ALK: variants seen among roughly 807,000 people sequenced by gnomAD.
ALK encodes the protein ALK receptor tyrosine kinase, also known as ALK tyrosine kinase receptor.
Under a neutral mutation model 163.1 loss-of-function variants are expected in ALK, and 74 were observed. The observed-to-expected ratio is 0.45, with a 90% confidence interval of 0.38 to 0.55. ALK has a LOEUF of 0.55. Ranked by LOEUF, ALK falls within the 20% of genes least tolerant of loss-of-function variation. The probability of loss-of-function intolerance (pLI) is 0.00; values close to 1 mark genes in which losing one functional copy is unlikely to be tolerated. For missense variants in ALK, 2,063 were observed against 2,105.3 expected, an observed-to-expected ratio of 0.98 and a Z score of 0.39; for synonymous variants, 960 against 843.2, an observed-to-expected ratio of 1.14 and a Z score of -2.40.
intron 1 of ALK, among the ~76,000 whole-genome samples, chr2:29,848,247 T>A (rs769695461): frequency 6.6e-6 from 1 of 151,078 alleles, no homozygotes; most frequent in African/African-American, 2.4e-5. Context: ...AAAATTGATA[T>A]TTTGAATTGC....
chr2:29,486,963 A>T (rs976483035), intron 4 of ALK, among the ~76,000 whole-genome samples: 5 of 152,340 alleles, frequency 3.3e-5, no homozygotes, highest in Admixed American at 3.3e-4. Context: ...AATTTTAAAA[A>T]ATGTAAGCTT....
intron 5 of ALK, among the ~76,000 whole-genome samples, chr2:29,345,741 A>C (rs1667930630): frequency 6.6e-6 from 1 of 152,180 alleles, no homozygotes; most frequent in South Asian, 2.1e-4. Context: ...GGGAAACAGT[A>C]ATAAAAGCTC....
intron 3 of ALK, among the ~76,000 whole-genome samples, chr2:29,662,852 A>G (rs543961718): frequency 2.0e-5 from 3 of 152,102 alleles, no homozygotes; most frequent in Non-Finnish European, 4.4e-5. Context: ...CCCTTGCTAC[A>G]TGTTTGTGCC....
At chr2:29,703,551 G>C (rs1479513146) in intron 2 of ALK, among the ~76,000 whole-genome samples, 2 of 152,196 alleles carry the variant, frequency 1.3e-5, no homozygotes, top group Non-Finnish European at 2.9e-5. Context: ...GATGAGGCAT[G>C]TGCTTAGAAT....
intron 2 of ALK, among the ~76,000 whole-genome samples, chr2:29,709,890 G>C (rs921424127): frequency 1.3e-5 from 2 of 152,114 alleles, no homozygotes; most frequent in African/African-American, 4.8e-5. Context: ...AATGTTGGGG[G>C]TATCACACAT....
intron 12 of ALK, among the ~76,000 whole-genome samples, chr2:29,242,323 C>G (rs1427725774): frequency 6.6e-6 from 1 of 152,228 alleles, no homozygotes; most frequent in Non-Finnish European, 1.5e-5. Flanking sequence ...CCTACCCACT[C>G]CTGCTGTGGT....
chr2:29,341,124 G>A lies in ALK; in HGVS notation c.1283-12643C>T, dbSNP rs558438669. Among the ~76,000 whole-genome samples the A allele has an allele frequency of 9.8e-5, 15 of 152,310 alleles. No homozygotes were observed. In the South Asian group the frequency reaches 3.1e-3, roughly 32 times the overall value. ...TAATGGATTCAGAAGCAGGGTTTAT[G>A]CTTTGTTCATAATATAAAATTAGTA... On this transcript the variant is annotated intron_variant, in intron 5 of 28. Transcript: ENST00000389048.
chr2:29,263,340 C>T (rs1382542882), intron 11 of ALK, among the ~76,000 whole-genome samples: 3 of 152,194 alleles, frequency 2.0e-5, no homozygotes, highest in African/African-American at 7.2e-5. Context: ...TATTCTAAGT[C>T]ATTCCTGCTC....
intron 4 of ALK, among the ~76,000 whole-genome samples, chr2:29,516,353 C>T (rs930129598): frequency 3.3e-5 from 5 of 152,194 alleles, no homozygotes; most frequent in Non-Finnish European, 5.9e-5. Context: ...TCTCAGTTTT[C>T]CCATACAGAT....
At chr2:29,790,859 G>C (rs1421348983) in intron 1 of ALK, among the ~76,000 whole-genome samples, 8 of 152,166 alleles carry the variant, frequency 5.3e-5, no homozygotes, top group Admixed American at 5.2e-4. Flanking sequence ...GCTGGAATTA[G>C]AGGTGTGAGT....
chr2:29,787,016 C>T (rs963424332), intron 1 of ALK, among the ~76,000 whole-genome samples: 3 of 152,090 alleles, frequency 2.0e-5, no homozygotes, highest in African/African-American at 4.8e-5. Context: ...AGGATGGTCT[C>T]GATCTCCTGA....
chr2:29,507,285 T>C (rs12714288), intron 4 of ALK, among the ~76,000 whole-genome samples: 47,756 of 152,056 alleles, frequency 0.31, 7,608 homozygotes, highest in East Asian at 0.35. Context: ...AAACGACAAA[T>C]ACCATCGAAT....
intron 1 of ALK, among the ~76,000 whole-genome samples, chr2:29,810,422 C>CAA (rs1252589204): frequency 1.3e-3 from 67 of 53,204 alleles, no homozygotes; most frequent in African/African-American, 3.0e-3. Flanking sequence ...AACTCCATCT[C>CAA]AAAAAAAAAA....
chr2:29,508,695 A>G (rs112906557), intron 4 of ALK, among the ~76,000 whole-genome samples: 3 of 63,666 alleles, frequency 4.7e-5, no homozygotes, highest in Admixed American at 4.6e-4. Flanking sequence ...TTAGAGTATA[A>G]TAAAAAAAAA....
At chr2:29,699,698 C>CA (rs1331116930) in intron 2 of ALK, among the ~76,000 whole-genome samples, 6 of 152,138 alleles carry the variant, frequency 3.9e-5, no homozygotes, top group African/African-American at 1.4e-4. Flanking sequence ...AGATCTTGAC[C>CA]TTTTTTTGTT....
At chr2:29,761,374 T>G (rs958396712) in intron 1 of ALK, among the ~76,000 whole-genome samples, 1 of 152,164 alleles carries the variant, frequency 6.6e-6, no homozygotes, top group African/African-American at 2.4e-5. Flanking sequence ...TTGGCCTTCC[T>G]GTGTTAAATG....
At chr2:29,853,054 A>G (rs1666045359) in intron 1 of ALK, among the ~76,000 whole-genome samples, 1 of 152,204 alleles carries the variant, frequency 6.6e-6, no homozygotes, top group South Asian at 2.1e-4. Context: ...AGCAACCCAA[A>G]ATGACTAAGA....
intron 1 of ALK, among the ~76,000 whole-genome samples, chr2:29,841,055 G>C (rs1665684865): frequency 6.6e-6 from 1 of 152,132 alleles, no homozygotes. Context: ...TTAGGGGATA[G>C]GATTAACTCT....
chr2:29,261,082 T>C (rs916492418), intron 11 of ALK, among the ~76,000 whole-genome samples: 2 of 152,200 alleles, frequency 1.3e-5, no homozygotes, highest in Admixed American at 1.3e-4. Flanking sequence ...CCTGGTCCCC[T>C]GCACTGGGCA....
Sources: gnomAD v4.1 joint callset for allele counts (sites outside exome capture counted in the v4.1 genomes callset) on GRCh38, gnomAD v4.1.1 for gene constraint, MANE v1.5 for transcripts, NCBI Gene and HGNC (gene_info 2026-07-23, HGNC 2026-07-21) for gene names.